Variants in TTC28 observed in about 807,000 individuals in gnomAD.
TTC28 encodes tetratricopeptide repeat domain 28, also known as tetratricopeptide repeat protein 28.
Under a neutral mutation model 198.0 loss-of-function variants are expected in TTC28, and 61 were observed. That is an observed-to-expected ratio of 0.31 (90% CI 0.25 to 0.38). TTC28 has a LOEUF of 0.38. TTC28 is among the 10% of genes least tolerant of loss of function. The pLI is 1.00. For synonymous variants in TTC28, 1,171 were observed against 1,297.8 expected, an observed-to-expected ratio of 0.90 and a Z score of 2.10; for missense variants, 2,678 against 3,164.0, an observed-to-expected ratio of 0.85 and a Z score of 3.69.
At chr22:28,559,206 C>T (rs2049832478) in intron 2 of TTC28, among the ~76,000 whole-genome samples, 3 of 152,068 alleles carry the variant, frequency 2.0e-5, no homozygotes, top group Non-Finnish European at 1.5e-5. Flanking sequence ...TGCTTAGAAA[C>T]AGTTTTTCTA....
chr22:28,179,412 G>A (rs141144080), intron 5 of TTC28, among the ~76,000 whole-genome samples: 2,667 of 151,950 alleles, frequency 0.018, 38 homozygotes, highest in Middle Eastern at 0.034. Flanking sequence ...TGCCCTCCTC[G>A]GCCTCCCAAA....
chr22:28,503,569 C>T (rs2048565040), intron 2 of TTC28, among the ~76,000 whole-genome samples: 1 of 152,120 alleles, frequency 6.6e-6, no homozygotes, highest in East Asian at 1.9e-4. Context: ...AAAATGCTAC[C>T]TCACTGAGTT....
intron 3 of TTC28, among the ~76,000 whole-genome samples, chr22:28,299,722 T>C (rs989959769): frequency 4.6e-5 from 7 of 152,180 alleles, no homozygotes; most frequent in Admixed American, 4.6e-4. Context: ...GAAAAGACTT[T>C]TAAAATATGC....
At chr22:28,126,231 T>C (rs1366338390) in intron 6 of TTC28, among the ~76,000 whole-genome samples, 2 of 152,208 alleles carry the variant, frequency 1.3e-5, no homozygotes, top group East Asian at 3.8e-4. Context: ...AACCACAGAA[T>C]TGTTTAATTA....
chr22:28,330,468 C>T (rs1478319325), intron 2 of TTC28, among the ~76,000 whole-genome samples: 1 of 152,140 alleles, frequency 6.6e-6, no homozygotes, highest in Non-Finnish European at 1.5e-5. Context: ...TTGACAGATA[C>T]CTTTTTTGCA....
At chr22:28,025,300 T>G (rs972372106) in intron 13 of TTC28, among the ~76,000 whole-genome samples, 1 of 152,170 alleles carries the variant, frequency 6.6e-6, no homozygotes, top group Non-Finnish European at 1.5e-5. Flanking sequence ...AGGATTGATC[T>G]CGTCATCATT....
At chr22:28,079,790 A>C (rs896081246) in intron 12 of TTC28, among the ~76,000 whole-genome samples, 6 of 152,102 alleles carry the variant, frequency 3.9e-5, no homozygotes, top group Non-Finnish European at 8.8e-5. Context: ...GTACAGTGGC[A>C]CGATCACAGC....
intron 1 of TTC28, among the ~76,000 whole-genome samples, chr22:28,658,179 T>A (rs990858682): frequency 1.3e-4 from 20 of 152,148 alleles, no homozygotes; most frequent in South Asian, 2.1e-4. Context: ...TTTCAAAAAA[T>A]TTTTTGAGCC....
intron 2 of TTC28, among the ~76,000 whole-genome samples, chr22:28,576,632 G>A (rs1338079250): frequency 1.3e-5 from 2 of 152,016 alleles, no homozygotes; most frequent in Non-Finnish European, 2.9e-5. Flanking sequence ...CCTTTGCAGG[G>A]AGACTTTTTA....
At chr22:27,995,665 C>T (rs533814364) in intron 17 of TTC28, among the ~76,000 whole-genome samples, 1 of 152,156 alleles carries the variant, frequency 6.6e-6, no homozygotes, top group Non-Finnish European at 1.5e-5. Context: ...CTCAAATCCT[C>T]ACGATAACCT....
intron 3 of TTC28, 41 bp downstream of exon 3, chr22:28,306,455 C>T: frequency 6.5e-7 from 1 of 1,528,740 alleles, no homozygotes; most frequent in Non-Finnish European, 8.8e-7. Flanking sequence ...AAATGATCTT[C>T]TTTAAATTAA....
chr22:28,210,347 A>G (rs190062650), intron 5 of TTC28, among the ~76,000 whole-genome samples: 95 of 152,272 alleles, frequency 6.2e-4, no homozygotes, highest in African/African-American at 2.2e-3. Flanking sequence ...AAACTTCTCC[A>G]AACTAAAGGA....
rs1249500858 is a variant in TTC28 at position 28,163,318 on chromosome 22, G to A, written c.1215C>T (p.His405=). ...RAYSNLGSAY[H]YRRNFDKAMS... is the part of the protein sequence containing the mutation. ...TGGCCTTGTCAAAGTTCCTCCGGTA[G>A]TGATAGGCACTGCCCAGGTTGCTAT... Residue 405 remains histidine, a synonymous_variant, in exon 6 of 23, where the codon CAC becomes CAT. Coordinates refer to ENST00000397906, the MANE Select transcript of TTC28 (RefSeq NM_001145418.2). 3 of 1,552,082 alleles carry A rather than the reference G, an allele frequency of 1.9e-6. No homozygotes were observed. The highest frequency in any genetic ancestry group is 2.4e-5 in the South Asian group (2 of 84,062).
chr22:28,651,947 C>A (rs1325152090), intron 1 of TTC28, among the ~76,000 whole-genome samples: 1 of 152,140 alleles, frequency 6.6e-6, no homozygotes. Context: ...TCAAGCAACT[C>A]TCCTGCCTCA....
At chr22:28,462,530 T>A (rs1174932196) in intron 2 of TTC28, among the ~76,000 whole-genome samples, 2 of 152,196 alleles carry the variant, frequency 1.3e-5, no homozygotes, top group Admixed American at 6.5e-5. Flanking sequence ...ATAACTTTCA[T>A]CCTGTTGCTG....
chr22:28,491,517 C>G (rs1383626546), intron 2 of TTC28, among the ~76,000 whole-genome samples: 2 of 152,186 alleles, frequency 1.3e-5, no homozygotes, highest in African/African-American at 4.8e-5. Flanking sequence ...AAATGCTCAT[C>G]ATCACTGGCC....
chr22:28,208,899 G>A (rs1488668872), intron 5 of TTC28, among the ~76,000 whole-genome samples: 2 of 152,054 alleles, frequency 1.3e-5, no homozygotes, highest in Admixed American at 1.3e-4. Flanking sequence ...CTACATATTA[G>A]AGGGTCAATC....
chr22:28,611,074 G>C (rs954124528), intron 2 of TTC28, among the ~76,000 whole-genome samples: 1 of 152,150 alleles, frequency 6.6e-6, no homozygotes, highest in African/African-American at 2.4e-5. Flanking sequence ...GGGACTATGT[G>C]AAAAGACCAA....
intron 5 of TTC28, among the ~76,000 whole-genome samples, chr22:28,231,946 C>T (rs1426369223): frequency 6.6e-6 from 1 of 152,160 alleles, no homozygotes; most frequent in Non-Finnish European, 1.5e-5. Flanking sequence ...ACCTAGGGGC[C>T]ACAGTAGTTC....
Sources: gnomAD v4.1 joint callset for allele counts (sites outside exome capture counted in the v4.1 genomes callset) on GRCh38, gnomAD v4.1.1 for gene constraint, MANE v1.5 for transcripts, NCBI Gene and HGNC (gene_info 2026-07-23, HGNC 2026-07-21) for gene names.